OR56A5: variants seen among roughly 807,000 people sequenced by gnomAD.
OR56A5 encodes olfactory receptor family 56 subfamily A member 5, also known as olfactory receptor 56A5.
In OR56A5, 10 loss-of-function variants were observed where a neutral mutation model predicts 13.8. That is an observed-to-expected ratio of 0.73 (90% CI 0.45 to 1.23). The LOEUF is 1.23. Among genes scored for constraint, OR56A5 ranks in the 50% most tolerant of loss-of-function variants. The probability of loss-of-function intolerance (pLI) is 0.00; values close to 1 mark genes in which losing one functional copy is unlikely to be tolerated. For missense variants in OR56A5, 377 were observed against 370.9 expected (o/e 1.02, Z -0.13); for synonymous variants, 156 against 150.8 (o/e 1.03, Z -0.25).
rs1848005880 is a variant in OR56A5 at position 5,967,999 on chromosome 11, A to C, written c.496T>G (p.Ser166Ala). The change falls in exon 1 of 1, where the codon TCT becomes GCT. Residue 166 changes from serine to alanine, a missense_variant. Transcript: ENST00000532411. ...CCTGCACAGTATCTGAGTCGAGAAG[A>C]AAGTATGGGGATAGGCATAGTAAGA... ...GLLTMPIPIL[S>A]SRLRYCAGHI... The C allele has an allele frequency of 8.2e-6, 13 of 1,591,026 alleles. No homozygotes were observed. The East Asian group carries it at 3.0e-4, about 36-fold the overall frequency.
chr11:5,967,863 C>A lies in OR56A5; in HGVS notation c.632G>T (p.Gly211Val). Reference protein sequence around the residue: ...YQFVIGWTLLGSDLILIVLSY... With the variant: ...YQFVIGWTLLVSDLILIVLSY... ...GAGAACAATAAGGATGAGGTCAGAGCCCAGCAGGGTCCAACCTATAACAAA... is the reference window on the plus strand; with the variant it reads ...GAGAACAATAAGGATGAGGTCAGAGACCAGCAGGGTCCAACCTATAACAAA... The change falls in exon 1 of 1, where the codon GGC (glycine) becomes GTC (valine). Residue 211 changes from glycine to valine, a missense_variant. Coordinates refer to ENST00000532411, the MANE Select transcript of OR56A5 (RefSeq NM_001146033.1). 6.4e-7 allele frequency: 1 copy of A among 1,571,376 alleles called. No homozygotes were observed. Among genetic ancestry groups the A allele is most frequent in the Non-Finnish European group, 8.6e-7 (1 of 1,157,088 alleles).
Position 5,967,937 on chromosome 11 carries a change from A to G in OR56A5, c.558T>C (p.Ser186=), listed in dbSNP as rs1288170264. 1 of 1,595,334 alleles carries G rather than the reference A, an allele frequency of 6.3e-7. No homozygotes were observed. ...TGTCATCACAAGAGAGTTTAGACAC[A>G]GACACGTTAGTACAGATGCAGTTCT... The part of the protein sequence containing the change: ...IIKNCICTNV[S]VSKLSCDDIT... The change falls in exon 1 of 1, where the codon TCT becomes TCC. Residue 186 remains serine (S), a synonymous_variant. Transcript: ENST00000532411.
Position 5,968,117 on chromosome 11 carries a change from A to G in OR56A5, c.378T>C (p.Tyr126=), listed in dbSNP as rs952540323. Residue 126 remains tyrosine, a synonymous_variant, in exon 1 of 1, where the codon TAT becomes TAC. Transcript: ENST00000532411. ...CTFMIMAYDR[Y]VAICKPLQYS... ...ACTGTAGGGGCTTGCAGATGGCCACATAGCGGTCATAGGCCATGATCATGA... is the reference window on the plus strand; with the variant it reads ...ACTGTAGGGGCTTGCAGATGGCCACGTAGCGGTCATAGGCCATGATCATGA... The G allele has an allele frequency of 6.2e-6, 10 of 1,614,070 alleles. No homozygotes were observed. In the African/African-American group the frequency reaches 9.3e-5, roughly 15 times the overall value.
Position 5,967,661 on chromosome 11 carries a change from C to G in OR56A5, c.834G>C (p.Leu278=), listed in dbSNP as rs1215158277. 1.7e-5 allele frequency: 27 copies of G among 1,613,806 alleles called. No individual in the cohort carries two copies. Among genetic ancestry groups the G allele is most frequent in the Non-Finnish European group, 2.0e-5 (24 of 1,179,966 alleles). Residue 278 remains leucine (L), a synonymous_variant, in exon 1 of 1, where the codon CTG becomes CTC. Transcript: ENST00000532411. The part of the protein sequence containing the change: ...RKRIPPDVPI[L]LNILHHLIPP... ...GAATAAGGTGGTGCAGGATGTTGAGCAGGATGGGGACATCCGGAGGAATTC... is the reference window on the plus strand; with the variant it reads ...GAATAAGGTGGTGCAGGATGTTGAGGAGGATGGGGACATCCGGAGGAATTC...
Position 5,967,950 on chromosome 11 carries a change from C to T in OR56A5, c.545G>A (p.Cys182Tyr), listed in dbSNP as rs147979628. ...CAGHIIKNCICTNVSVSKLSC... is the reference protein window; with the variant it reads ...CAGHIIKNCIYTNVSVSKLSC... The stretch of plus-strand genomic sequence containing the variant: ...GAGTTTAGACACAGACACGTTAGTA[C>T]AGATGCAGTTCTTGATGATGTGTCC... Residue 182 changes from cysteine (C) to tyrosine (Y), a missense_variant, in exon 1 of 1, where the codon TGT (cysteine) becomes TAT (tyrosine). By Grantham distance (194) the Cys-to-Tyr change is radical. Transcript: ENST00000532411. The T allele has an allele frequency of 2.0e-3, 3,174 of 1,594,936 alleles. 28 individuals are homozygous for T. The highest frequency in any genetic ancestry group is 1.1e-3 in the Non-Finnish European group (1,324 of 1,169,444).
rs746698533 is a variant in OR56A5, at chr11:5,968,177, G to A, written c.318C>T (p.Ile106=). 6.2e-7 allele frequency: 1 copy of A among 1,614,092 alleles called. No individual in the cohort carries two copies. The part of the protein sequence containing the change: ...SFPACFLQVF[I]MNSFLTMESC... ...ACTCCATAGTCAGAAAACTGTTCAT[G>A]ATGAACACCTGAAGGAAGCAGGCAG... The change falls in exon 1 of 1, where the codon ATC becomes ATT. Residue 106 remains isoleucine (I), a synonymous_variant. Coordinates refer to ENST00000532411, the MANE Select transcript of OR56A5 (RefSeq NM_001146033.1).
chr11:5,967,923 G>C lies in OR56A5; in HGVS notation c.572C>G (p.Ser191Cys). 6.3e-7 allele frequency: 1 copy of C among 1,595,046 alleles called. No individual in the cohort carries two copies. Among genetic ancestry groups the C allele is most frequent in the Non-Finnish European group, 8.6e-7 (1 of 1,169,528 alleles). ...ICTNVSVSKLSCDDITLNQSY... is the reference protein window; with the variant it reads ...ICTNVSVSKLCCDDITLNQSY... ...CTGATTCAAGGTGATGTCATCACAA[G>C]AGAGTTTAGACACAGACACGTTAGT... Residue 191 changes from serine to cysteine, a missense_variant, in exon 1 of 1, where the codon TCT becomes TGT. Ser to Cys is a moderately radical substitution (Grantham distance 112). Coordinates refer to ENST00000532411, the MANE Select transcript of OR56A5 (RefSeq NM_001146033.1).
In OR56A5 at chr11:5,968,221, G is replaced by T; in HGVS notation, c.274C>A (p.Leu92Ile). The T allele has an allele frequency of 6.2e-7, 1 of 1,614,174 alleles. No individual in the cohort carries two copies. The highest frequency in any genetic ancestry group is 8.5e-7 in the Non-Finnish European group (1 of 1,180,000). ...PKVLAIFWFD[L>I]RSISFPACFL... ...CAGGCAGGGAAGCTGATTGATCTGA[G>T]GTCAAACCAGAAGATGGCCAGGACC... Residue 92 changes from leucine (L) to isoleucine (I), a missense_variant, in exon 1 of 1, where the codon CTC (leucine) becomes ATC (isoleucine). Physicochemically the swap from Leu to Ile is conservative, Grantham distance 5. Coordinates refer to ENST00000532411, the MANE Select transcript of OR56A5 (RefSeq NM_001146033.1).
In OR56A5 at chr11:5,967,618, TG is replaced by T; in HGVS notation, c.876del (p.Ile293LeufsTer5). 6.2e-7 allele frequency: 1 copy of T among 1,613,846 alleles called. No individual in the cohort carries two copies. The highest frequency in any genetic ancestry group is 8.5e-7 in the Non-Finnish European group (1 of 1,179,900). On this transcript the variant is annotated frameshift_variant, in exon 1 of 1. Coordinates refer to ENST00000532411, the MANE Select transcript of OR56A5 (RefSeq NM_001146033.1). LOFTEE classifies it high-confidence loss of function. ...LHHLIPPALN[P>X]IVYGVRTKEI... ...TCCTTGGTTCTCACACCATAAACAA[TG>T]GGGTTCAGAGCTGGGGGAATAAGGT...
In OR56A5 at chr11:5,968,323, G is replaced by C; in HGVS notation, c.172C>G (p.Leu58Val). The stretch of plus-strand genomic sequence containing the variant: ...AGCAGGTAGTACAGGGGCTGGTGCA[G>C]AGAGGCTTCCAGATAGATGGTGATC... ...LLITIYLEASLHQPLYYLLSL... is the reference protein window; with the variant it reads ...LLITIYLEASVHQPLYYLLSL... The change falls in exon 1 of 1, where the codon CTG (leucine) becomes GTG (valine). Residue 58 changes from leucine (L) to valine (V), a missense_variant. Transcript: ENST00000532411. 6.2e-7 allele frequency: 1 copy of C among 1,613,130 alleles called. No individual in the cohort carries two copies. The highest frequency in any genetic ancestry group is 8.5e-7 in the Non-Finnish European group (1 of 1,179,556).
At position 5,968,203 on chromosome 11, in the gene OR56A5, G is replaced by T; in HGVS notation, c.292C>A (p.Pro98Thr). Residue 98 changes from proline to threonine, a missense_variant, in exon 1 of 1, where the codon CCT becomes ACT. Transcript: ENST00000532411. ...FWFDLRSISF[P>T]ACFLQVFIMN... ...ATGAACACCTGAAGGAAGCAGGCAG[G>T]GAAGCTGATTGATCTGAGGTCAAAC... 6.2e-7 allele frequency: 1 copy of T among 1,614,234 alleles called. No homozygotes were observed. The highest frequency in any genetic ancestry group is 8.5e-7 in the Non-Finnish European group (1 of 1,180,032).
Position 5,968,491 on chromosome 11 carries a change from T to A in OR56A5, c.4A>T (p.Thr2Ser). ...GAAGTGGAGTTGTTGCTGGGTAATG[T>A]CATGAAATAAATCCTCAGCTGAGAA... is the stretch of plus-strand genomic sequence containing the variant. M[T>S]LPSNNSTSPV... The change falls in exon 1 of 1, where the codon ACA becomes TCA. Residue 2 changes from threonine (T) to serine (S), a missense_variant. Coordinates refer to ENST00000532411, the MANE Select transcript of OR56A5 (RefSeq NM_001146033.1). 1 of 1,549,732 alleles carries A rather than the reference T, an allele frequency of 6.5e-7. No individual in the cohort carries two copies. Among genetic ancestry groups the A allele is most frequent in the Non-Finnish European group, 8.7e-7 (1 of 1,145,118 alleles).
chr11:5,968,307 T>C lies in OR56A5; in HGVS notation c.188A>G (p.Tyr63Cys), dbSNP rs1848008961. 1.2e-6 allele frequency: 2 copies of C among 1,612,440 alleles called. No individual in the cohort carries two copies. The highest frequency in any genetic ancestry group is 1.3e-5 in the African/African-American group (1 of 74,874). The change falls in exon 1 of 1, where the codon TAC (tyrosine) becomes TGC (cysteine). Residue 63 changes from tyrosine to cysteine, a missense_variant. By Grantham distance (194) the Tyr-to-Cys change is radical (BLOSUM62 -2). Coordinates refer to ENST00000532411, the MANE Select transcript of OR56A5 (RefSeq NM_001146033.1). Reference sequence around the variant, plus strand: ...CAGGGAGAGGAGGCTGAGCAGGTAGTACAGGGGCTGGTGCAGAGAGGCTTC... The same window carrying C: ...CAGGGAGAGGAGGCTGAGCAGGTAGCACAGGGGCTGGTGCAGAGAGGCTTC... ...YLEASLHQPLYYLLSLLSLLD... is the reference protein window; with the variant it reads ...YLEASLHQPLCYLLSLLSLLD...
Position 5,968,466 on chromosome 11 carries a change from GA to G in OR56A5, c.28del (p.Ser10ProfsTer40), listed in dbSNP as rs1848010518. On this transcript the variant is annotated frameshift_variant, in exon 1 of 1. Transcript: ENST00000532411. LOFTEE classifies it high-confidence loss of function. The part of the protein sequence containing the change: MTLPSNNST[S>X]PVFEFFLICF... ...AATGAGGAAGAATTCAAAGACTGGG[GA>G]AGTGGAGTTGTTGCTGGGTAATGTC... is the stretch of plus-strand genomic sequence containing the variant. The G allele has an allele frequency of 1.3e-6, 2 of 1,561,040 alleles. No homozygotes were observed. Among genetic ancestry groups the G allele is most frequent in the African/African-American group, 2.7e-5 (2 of 73,340 alleles).
rs201804826 is a variant in OR56A5 at position 5,967,651 on chromosome 11, G to T, written c.844C>A (p.Leu282Met). The T allele has an allele frequency of 2.7e-5, 43 of 1,613,896 alleles. No individual in the cohort carries two copies. The highest frequency in any genetic ancestry group is 3.5e-5 in the Non-Finnish European group (41 of 1,179,974). The change falls in exon 1 of 1, where the codon CTG becomes ATG. Residue 282 changes from leucine (L) to methionine (M), a missense_variant. Coordinates refer to ENST00000532411, the MANE Select transcript of OR56A5 (RefSeq NM_001146033.1). ...AGAGCTGGGGGAATAAGGTGGTGCA[G>T]GATGTTGAGCAGGATGGGGACATCC... ...PPDVPILLNILHHLIPPALNP... is the reference protein window; with the variant it reads ...PPDVPILLNIMHHLIPPALNP...
Position 5,967,872 on chromosome 11 carries a change from G to A in OR56A5, c.623C>T (p.Thr208Ile), listed in dbSNP as rs1488284529. 1.3e-6 allele frequency: 2 copies of A among 1,576,118 alleles called. No homozygotes were observed. Among genetic ancestry groups the A allele is most frequent in the Middle Eastern group, 1.7e-4 (1 of 6,018 alleles). The change falls in exon 1 of 1, where the codon ACC (threonine) becomes ATC (isoleucine). Residue 208 changes from threonine to isoleucine, a missense_variant. By Grantham distance (89) the Thr-to-Ile change is moderately conservative. Transcript: ENST00000532411. ...AAGGATGAGGTCAGAGCCCAGCAGGGTCCAACCTATAACAAACTGGTAGCT... is the reference window on the plus strand; with the variant it reads ...AAGGATGAGGTCAGAGCCCAGCAGGATCCAACCTATAACAAACTGGTAGCT... ...NQSYQFVIGWTLLGSDLILIV... is the reference protein window; with the variant it reads ...NQSYQFVIGWILLGSDLILIV...
At position 5,967,721 on chromosome 11, in the gene OR56A5, C is replaced by A. The variant is rs534407077; in HGVS notation, c.774G>T (p.Leu258=). The A allele has an allele frequency of 1.2e-6, 2 of 1,612,442 alleles. No individual in the cohort carries two copies. The highest frequency in any genetic ancestry group is 3.3e-5 in the Admixed American group (2 of 59,768). ...FILILFFTTV[L]LVLVITNLAR... is the part of the protein sequence containing the mutation. ...CCAGGTTAGTGATGACCAGAACCAGCAGGACTGTGGTGAAGAAGAGGATGA... is the reference window on the plus strand; with the variant it reads ...CCAGGTTAGTGATGACCAGAACCAGAAGGACTGTGGTGAAGAAGAGGATGA... The change falls in exon 1 of 1, where the codon CTG becomes CTT. Residue 258 remains leucine, a synonymous_variant. Transcript: ENST00000532411.
chr11:5,967,622 G>A lies in OR56A5; in HGVS notation c.873C>T (p.Asn291=), dbSNP rs774792496. 6 of 1,613,974 alleles carry A rather than the reference G, an allele frequency of 3.7e-6. No homozygotes were observed. Among genetic ancestry groups the A allele is most frequent in the Non-Finnish European group, 5.1e-6 (6 of 1,179,956 alleles). The change falls in exon 1 of 1, where the codon AAC becomes AAT. Residue 291 remains asparagine, a synonymous_variant. Coordinates refer to ENST00000532411, the MANE Select transcript of OR56A5 (RefSeq NM_001146033.1). ...TGGTTCTCACACCATAAACAATGGG[G>A]TTCAGAGCTGGGGGAATAAGGTGGT... ...ILHHLIPPAL[N]PIVYGVRTKE... is the part of the protein sequence containing the mutation.
At position 5,968,229 on chromosome 11, in the gene OR56A5, C is replaced by A; in HGVS notation, c.266G>T (p.Trp89Leu). The A allele has an allele frequency of 1.2e-6, 2 of 1,614,118 alleles. No homozygotes were observed. The highest frequency in any genetic ancestry group is 4.5e-5 in the East Asian group (2 of 44,878). The change falls in exon 1 of 1, where the codon TGG becomes TTG. Residue 89 changes from tryptophan (W) to leucine (L), a missense_variant. Physicochemically the swap from Trp to Leu is moderately conservative, Grantham distance 61. Transcript: ENST00000532411. ...GAAGCTGATTGATCTGAGGTCAAAC[C>A]AGAAGATGGCCAGGACCTTGGGGAT... ...TVIPKVLAIF[W>L]FDLRSISFPA...
Sources: gnomAD v4.1 joint callset for allele counts on GRCh38, gnomAD v4.1.1 for gene constraint, MANE v1.5 for transcripts, NCBI Gene and HGNC (gene_info 2026-07-23, HGNC 2026-07-21) for gene names.